The following PCM1 variants were observed in gnomAD, a reference collection of about 807,000 sequenced individuals.
The protein encoded by PCM1 is pericentriolar material 1.
Under a neutral mutation model 241.9 loss-of-function variants are expected in PCM1, and 157 were observed. That is an observed-to-expected ratio of 0.65 (90% confidence interval 0.57 to 0.74). The LOEUF is 0.74. Among genes scored for constraint, PCM1 ranks in the 30% least tolerant of loss-of-function variants. The pLI, the probability that PCM1 is intolerant of heterozygous loss-of-function variation, is 0.00. For synonymous variants in PCM1, 1,085 were observed against 784.9 expected, an observed-to-expected ratio of 1.38 and a Z score of -6.39; for missense variants, 3,478 against 2,360.1, an observed-to-expected ratio of 1.47 and a Z score of -9.81.
At chr8:17,977,492 C>T (rs775895569) in intron 23 of PCM1, among the ~76,000 whole-genome samples, 2 of 152,140 alleles carry the variant, frequency 1.3e-5, no homozygotes, top group Non-Finnish European at 2.9e-5. Flanking sequence ...CTGGAAGATG[C>T]AAGCAAGGCT....
chr8:17,932,063 A>G (rs534590757), intron 2 of PCM1, among the ~76,000 whole-genome samples: 2 of 152,036 alleles, frequency 1.3e-5, no homozygotes, highest in African/African-American at 4.8e-5. Context: ...TTACTTTTTT[A>G]TATTACTTTT....
chr8:17,934,890 C>A (rs1254289847), intron 2 of PCM1: 1 of 152,166 alleles, frequency 6.6e-6, no homozygotes, highest in Non-Finnish European at 1.5e-5. Context: ...TTGATTTTCA[C>A]ATGTACAAGC....
chr8:17,939,057 T>C, intron 5 of PCM1, 48 bp downstream of exon 5: 2 of 1,591,664 alleles, frequency 1.3e-6, no homozygotes, highest in Non-Finnish European at 1.7e-6. Flanking sequence ...AACCTCAAAA[T>C]ACCAACAGTA....
At chr8:17,953,892 C>T (rs1332665316) in intron 9 of PCM1, among the ~76,000 whole-genome samples, 2 of 152,150 alleles carry the variant, frequency 1.3e-5, no homozygotes, top group African/African-American at 4.8e-5. Context: ...TCCAACTAGT[C>T]TTTAAACATT....
chr8:17,996,808 G>A (rs1321901147), intron 29 of PCM1, among the ~76,000 whole-genome samples: 1 of 152,084 alleles, frequency 6.6e-6, no homozygotes, highest in Non-Finnish European at 1.5e-5. Flanking sequence ...TTATGCAAAT[G>A]TTAACTTTGT....
At chr8:17,965,173 A>T (rs1486702678) in intron 18 of PCM1, among the ~76,000 whole-genome samples, 1 of 152,100 alleles carries the variant, frequency 6.6e-6, no homozygotes, top group Non-Finnish European at 1.5e-5. Flanking sequence ...TGGGTTGGGG[A>T]GGTGTGCAGA....
chr8:17,976,475 C>A (rs1050446725), intron 23 of PCM1, among the ~76,000 whole-genome samples: 7 of 152,164 alleles, frequency 4.6e-5, no homozygotes, highest in African/African-American at 1.7e-4. Context: ...CAGAAGCATC[C>A]TGGGGCAAGA....
intron 6 of PCM1, among the ~76,000 whole-genome samples, chr8:17,945,866 A>G (rs900982661): frequency 2.0e-5 from 3 of 152,130 alleles, no homozygotes; most frequent in African/African-American, 7.2e-5. Flanking sequence ...AACCCGACAA[A>G]AATTTGTTAG....
intron 29 of PCM1, among the ~76,000 whole-genome samples, chr8:17,997,991 G>A (rs979896290): frequency 1.3e-4 from 20 of 150,290 alleles, no homozygotes; most frequent in African/African-American, 4.9e-4. Context: ...AGCCGAGATT[G>A]TGCCACCACA....
In PCM1 at chr8:17,939,360, A is replaced by G. The variant is rs549113686; in HGVS notation, c.613-331A>G. ...TTTTGAAAAGTTGTAAAACTATAAT[A>G]CATTTAATTAATTTATAAACATTAG... is the stretch of plus-strand genomic sequence containing the variant. On this transcript the variant is annotated intron_variant, in intron 5 of 38. Transcript: ENST00000325083. Among the ~76,000 whole-genome samples, 9 of 78,328 alleles carry G rather than the reference A, an allele frequency of 1.1e-4. No individual in the cohort carries two copies. In the South Asian group the frequency reaches 3.0e-3, roughly 26 times the overall value. 51.4% of individuals were successfully genotyped at this position (78,328 alleles called of 152,430 possible). A position where few individuals can be genotyped will look rare whatever the true frequency, so the allele number is the denominator to read the frequency against.
intron 29 of PCM1, among the ~76,000 whole-genome samples, chr8:17,998,374 G>A (rs756871337): frequency 5.3e-5 from 8 of 152,088 alleles, no homozygotes; most frequent in Non-Finnish European, 8.8e-5. Flanking sequence ...AAGGGACTTG[G>A]GTCCCAAGCC....
At chr8:17,964,057 C>A (rs996548710) in intron 17 of PCM1, among the ~76,000 whole-genome samples, 1 of 152,122 alleles carries the variant, frequency 6.6e-6, no homozygotes, top group Non-Finnish European at 1.5e-5. Context: ...GTTTCAGAAT[C>A]ATTGGTCTGG....
At chr8:18,014,080 T>A in intron 35 of PCM1, 44 bp downstream of exon 35, 1 of 1,122,138 alleles carries the variant, frequency 8.9e-7, no homozygotes, top group Non-Finnish European at 1.3e-6. Flanking sequence ...TAATTTCCTT[T>A]ATTTGCTTTA....
rs539057163 is a variant in PCM1 at position 17,969,920 on chromosome 8, G to T, written c.3584+172G>T. Among the ~76,000 whole-genome samples, 24 of 152,082 alleles carry T rather than the reference G, an allele frequency of 1.6e-4. 1 individual carries two copies. Among genetic ancestry groups the T allele is most frequent in the Middle Eastern group, 3.2e-3 (1 of 316 alleles). On this transcript the variant is annotated intron_variant, in intron 22 of 38. Coordinates refer to ENST00000325083, the MANE Select transcript of PCM1 (RefSeq NM_006197.4). ...TAGATGAGATGCCAGATACTTCCTG[G>T]TAACCCTGGTACATTAAAAGTTGTT...
At chr8:17,940,150 G>A (rs2061592892) in intron 6 of PCM1, 2 of 1,527,856 alleles carry the variant, frequency 1.3e-6, no homozygotes, top group Non-Finnish European at 1.8e-6. Flanking sequence ...TGAGGCTTCA[G>A]ATACCACGGT....
intron 2 of PCM1, among the ~76,000 whole-genome samples, chr8:17,934,396 G>C (rs1563648997): frequency 6.6e-6 from 1 of 151,794 alleles, no homozygotes; most frequent in Non-Finnish European, 1.5e-5. Flanking sequence ...CGAGTAGCTG[G>C]GATTACAGGC....
intron 9 of PCM1, among the ~76,000 whole-genome samples, chr8:17,954,311 C>T (rs765876620): frequency 4.0e-5 from 6 of 151,820 alleles, no homozygotes; most frequent in Non-Finnish European, 8.8e-5. Context: ...CCTGTAATCT[C>T]AGCTACTCCG....
chr8:17,992,722 T>C (rs1265317141), intron 28 of PCM1, among the ~76,000 whole-genome samples: 1 of 151,810 alleles, frequency 6.6e-6, no homozygotes, highest in Non-Finnish European at 1.5e-5. Flanking sequence ...GCTCAAGTGA[T>C]TCTCATGCCT....
At chr8:17,942,881 C>G (rs1332868460) in intron 6 of PCM1, among the ~76,000 whole-genome samples, 1 of 151,818 alleles carries the variant, frequency 6.6e-6, no homozygotes, top group Non-Finnish European at 1.5e-5. Flanking sequence ...CCTGTAATCT[C>G]AGCTACTCAG....
Sources: gnomAD v4.1 joint callset for allele counts (sites outside exome capture counted in the v4.1 genomes callset) on GRCh38, gnomAD v4.1.1 for gene constraint, MANE v1.5 for transcripts, NCBI Gene and HGNC (gene_info 2026-07-23, HGNC 2026-07-21) for gene names.